The following INPP1 variants were observed in gnomAD, a reference collection of about 807,000 sequenced individuals.
INPP1 encodes inositol polyphosphate 1-phosphatase.
INPP1 carries 18 observed loss-of-function variants against 23.0 expected under a neutral mutation model. That is an observed-to-expected ratio of 0.78 (90% confidence interval 0.54 to 1.16). INPP1 has a LOEUF of 1.16. INPP1 is among the 50% of genes most tolerant of loss of function. INPP1 has a pLI of 0.00. For missense variants in INPP1, 448 were observed against 482.1 expected (o/e 0.93, Z 0.66); for synonymous variants, 164 against 176.3 (o/e 0.93, Z 0.55).
chr2:190,353,743 C>A (rs921038209), intron 2 of INPP1, among the ~76,000 whole-genome samples: 1 of 152,152 alleles, frequency 6.6e-6, no homozygotes, highest in African/African-American at 2.4e-5. Flanking sequence ...TGAACCCAGG[C>A]CTTTCTGATT....
Position 190,352,571 on chromosome 2 carries a change from C to T in INPP1, c.-65+3540C>T, listed in dbSNP as rs1210262697. ...ACCATTAGCAAGTGACACAACACAGCGAGCCCCCCCTCCATATTTAGTGTG... is the reference window on the plus strand; with the variant it reads ...ACCATTAGCAAGTGACACAACACAGTGAGCCCCCCCTCCATATTTAGTGTG... On this transcript the variant is annotated intron_variant, in intron 2 of 6. Transcript: ENST00000392329. The surrounding 1 kb of genome is among the most constrained non-coding windows in gnomAD (Gnocchi z 4.7). Among the ~76,000 whole-genome samples the T allele has an allele frequency of 6.6e-6, 1 of 152,196 alleles. No individual in the cohort carries two copies. Among genetic ancestry groups the T allele is most frequent in the Non-Finnish European group, 1.5e-5 (1 of 68,034 alleles).
In INPP1 at chr2:190,345,926, A is replaced by C. The variant is rs1464374117; in HGVS notation, c.-209+1965A>C. On this transcript the variant is annotated intron_variant, in intron 1 of 6. Coordinates refer to ENST00000392329, the MANE Select transcript of INPP1 (RefSeq NM_001128928.2). The surrounding 1 kb of genome is among the most constrained non-coding windows in gnomAD (Gnocchi z 4.9). Reference sequence around the variant, plus strand: ...GGAGGATCCCTGGAACCTAGGAATCAGAGGTTGCAGTGAGCCCAGATCGCG... The same window carrying C: ...GGAGGATCCCTGGAACCTAGGAATCCGAGGTTGCAGTGAGCCCAGATCGCG... Among the ~76,000 whole-genome samples, 1 of 152,258 alleles carries C rather than the reference A, an allele frequency of 6.6e-6. No homozygotes were observed. Among genetic ancestry groups the C allele is most frequent in the African/African-American group, 2.4e-5 (1 of 41,468 alleles).
chr2:190,353,259 A>T (rs1320171853), intron 2 of INPP1, among the ~76,000 whole-genome samples: 2 of 152,176 alleles, frequency 1.3e-5, no homozygotes, highest in Admixed American at 1.3e-4. Context: ...GGCTCTCCCA[A>T]GCCAGTCATA....
intron 6 of INPP1, among the ~76,000 whole-genome samples, chr2:190,370,226 G>T (rs1014576724): frequency 6.6e-6 from 1 of 151,274 alleles, no homozygotes; most frequent in Non-Finnish European, 1.5e-5. Flanking sequence ...CTTTCTAGCT[G>T]AGTGGGCCTC....
In INPP1 at chr2:190,354,832, G is replaced by T. The variant is rs539146136; in HGVS notation, c.-64-5207G>T. ...CCCAGAAGGGTCCTTAACAGAGGCT[G>T]AAGATCAGCTGGAGAAAAGGTTTTT... On this transcript the variant is annotated intron_variant, in intron 2 of 6. Coordinates refer to ENST00000392329, the MANE Select transcript of INPP1 (RefSeq NM_001128928.2). This position sits in a 1 kb window ranked among gnomAD's most constrained non-coding sequence, Gnocchi z 4.8. Among the ~76,000 whole-genome samples, 6 of 152,116 alleles carry T rather than the reference G, an allele frequency of 3.9e-5. No individual in the cohort carries two copies. Among genetic ancestry groups the T allele is most frequent in the Non-Finnish European group, 7.3e-5 (5 of 68,042 alleles).
intron 4 of INPP1, among the ~76,000 whole-genome samples, chr2:190,366,453 G>A (rs1362667675): frequency 7.2e-6 from 1 of 139,138 alleles, no homozygotes; most frequent in African/African-American, 2.8e-5. Flanking sequence ...CACTCTCTCT[G>A]TCTTGCTCTC....
chr2:190,370,444 C>T (rs905713817), intron 6 of INPP1, among the ~76,000 whole-genome samples: 1 of 152,190 alleles, frequency 6.6e-6, no homozygotes, highest in African/African-American at 2.4e-5. Context: ...TAAAGAAAAA[C>T]TTGTTATAGG....
chr2:190,366,663 A>G, intron 4 of INPP1, 32 bp from the exon 5 acceptor site: 1 of 1,476,194 alleles, frequency 6.8e-7, no homozygotes, highest in Non-Finnish European at 9.5e-7. Context: ...AACTCTTGAA[A>G]TGTAATGGCT....
At position 190,368,176 on chromosome 2, in the gene INPP1, T is replaced by C. The variant is rs1366027087; in HGVS notation, c.467-927T>C. On this transcript the variant is annotated intron_variant, in intron 5 of 6. Coordinates refer to ENST00000392329, the MANE Select transcript of INPP1 (RefSeq NM_001128928.2). This position sits in a 1 kb window ranked among gnomAD's most constrained non-coding sequence, Gnocchi z 4.3. ...TAGTTTCTGAGGGACAGAGATCTCC[T>C]GTTTCTTGGTTCCACCCTGAATTGA... Among the ~76,000 whole-genome samples the C allele has an allele frequency of 3.9e-5, 6 of 152,246 alleles. No individual in the cohort carries two copies. Among genetic ancestry groups the C allele is most frequent in the African/African-American group, 1.4e-4 (6 of 41,468 alleles).
Position 190,367,188 on chromosome 2 carries a change from A to G in INPP1, c.466+293A>G, listed in dbSNP as rs1047107828. Among the ~76,000 whole-genome samples, 1 of 152,160 alleles carries G rather than the reference A, an allele frequency of 6.6e-6. No individual in the cohort carries two copies. The highest frequency in any genetic ancestry group is 2.4e-5 in the African/African-American group (1 of 41,426). On this transcript the variant is annotated intron_variant, in intron 5 of 6. Transcript: ENST00000392329. The surrounding 1 kb of genome is among the most constrained non-coding windows in gnomAD (Gnocchi z 4.1). ...AAAGATGAATTAACTTCTCTTCAAA[A>G]GACTTCAGGGACCAGACTGGTAAGT... is the stretch of plus-strand genomic sequence containing the variant.
chr2:190,351,834 A>T (rs138423855), intron 2 of INPP1, among the ~76,000 whole-genome samples: 1 of 152,364 alleles, frequency 6.6e-6, no homozygotes, highest in African/African-American at 2.4e-5. Context: ...AAGGGAAATT[A>T]AATTGCTGGA....
At position 190,368,227 on chromosome 2, in the gene INPP1, T is replaced by C. The variant is rs1689723415; in HGVS notation, c.467-876T>C. 6.6e-6 allele frequency among the ~76,000 whole-genome samples: 1 copy of C among 152,192 alleles called. No individual in the cohort carries two copies. The highest frequency in any genetic ancestry group is 2.1e-4 in the South Asian group (1 of 4,828). On this transcript the variant is annotated intron_variant, in intron 5 of 6. Coordinates refer to ENST00000392329, the MANE Select transcript of INPP1 (RefSeq NM_001128928.2). This position sits in a 1 kb window ranked among gnomAD's most constrained non-coding sequence, Gnocchi z 4.3. ...TTCTGTTTTTGAGCTCTTTGAGTCT[T>C]TTGCCAGGCACATCCTTAGCCGTGT...
Position 190,368,523 on chromosome 2 carries a change from G to A in INPP1, c.467-580G>A, listed in dbSNP as rs1689729946. ...CATAATAGGTGTATATATTTATGGGGTAGATGAGATGTTTTGACACAGGCA... is the reference window on the plus strand; with the variant it reads ...CATAATAGGTGTATATATTTATGGGATAGATGAGATGTTTTGACACAGGCA... On this transcript the variant is annotated intron_variant, in intron 5 of 6. Coordinates refer to ENST00000392329, the MANE Select transcript of INPP1 (RefSeq NM_001128928.2). The surrounding 1 kb of genome is among the most constrained non-coding windows in gnomAD (Gnocchi z 4.3). 1 of 152,082 alleles carries A rather than the reference G, an allele frequency of 6.6e-6. No homozygotes were observed. Among genetic ancestry groups the A allele is most frequent in the Non-Finnish European group, 1.5e-5 (1 of 68,038 alleles). The allele number at this position is 152,082 out of a possible 1,614,324, so 9.4% of individuals were successfully genotyped here.
rs1244350954 is a variant in INPP1 at position 190,345,932 on chromosome 2, T to G, written c.-209+1971T>G. 6.6e-6 allele frequency among the ~76,000 whole-genome samples: 1 copy of G among 152,202 alleles called. No individual in the cohort carries two copies. The highest frequency in any genetic ancestry group is 1.5e-5 in the Non-Finnish European group (1 of 68,044). ...TCCCTGGAACCTAGGAATCAGAGGT[T>G]GCAGTGAGCCCAGATCGCGCCACTG... On this transcript the variant is annotated intron_variant, in intron 1 of 6. Coordinates refer to ENST00000392329, the MANE Select transcript of INPP1 (RefSeq NM_001128928.2). This position sits in a 1 kb window ranked among gnomAD's most constrained non-coding sequence, Gnocchi z 4.9.
In INPP1 at chr2:190,352,188, G is replaced by T. The variant is rs2124919394; in HGVS notation, c.-65+3157G>T. ...TTAGGTCGAGAAAGCAGGAAGAAGG[G>T]CGTGTCAACCAGAGGGAGCAGCATG... On this transcript the variant is annotated intron_variant, in intron 2 of 6. Coordinates refer to ENST00000392329, the MANE Select transcript of INPP1 (RefSeq NM_001128928.2). The surrounding 1 kb of genome is among the most constrained non-coding windows in gnomAD (Gnocchi z 4.7). Among the ~76,000 whole-genome samples the T allele has an allele frequency of 6.6e-6, 1 of 152,304 alleles. No homozygotes were observed. Among genetic ancestry groups the T allele is most frequent in the South Asian group, 2.1e-4 (1 of 4,828 alleles).
intron 2 of INPP1, chr2:190,359,677 C>T: frequency 7.6e-6 from 1 of 131,430 alleles, no homozygotes; most frequent in South Asian, 1.8e-4. Flanking sequence ...AATATTGCTG[C>T]TAAGCATATG....
Position 190,352,514 on chromosome 2 carries a change from C to T in INPP1, c.-65+3483C>T, listed in dbSNP as rs562910030. On this transcript the variant is annotated intron_variant, in intron 2 of 6. Transcript: ENST00000392329. The surrounding 1 kb of genome is among the most constrained non-coding windows in gnomAD (Gnocchi z 4.7). ...CTAGTAAGGCTTGTAGTACAGTTTC[C>T]CTCTGGCCTCACAGGAATCTCAGGG... 6.6e-6 allele frequency among the ~76,000 whole-genome samples: 1 copy of T among 152,314 alleles called. No individual in the cohort carries two copies. Among genetic ancestry groups the T allele is most frequent in the East Asian group, 1.9e-4 (1 of 5,184 alleles).
At position 190,356,037 on chromosome 2, in the gene INPP1, C is replaced by T. The variant is rs1166218997; in HGVS notation, c.-64-4002C>T. Among the ~76,000 whole-genome samples the T allele has an allele frequency of 1.3e-5, 2 of 152,218 alleles. No individual in the cohort carries two copies. Among genetic ancestry groups the T allele is most frequent in the Admixed American group, 1.3e-4 (2 of 15,286 alleles). Reference sequence around the variant, plus strand: ...TAAATTCTGCATTAGATGTAGCCTTCAGTTTCTCCATAGACAAATTATTTC... The same window carrying T: ...TAAATTCTGCATTAGATGTAGCCTTTAGTTTCTCCATAGACAAATTATTTC... On this transcript the variant is annotated intron_variant, in intron 2 of 6. Coordinates refer to ENST00000392329, the MANE Select transcript of INPP1 (RefSeq NM_001128928.2). The surrounding 1 kb of genome is among the most constrained non-coding windows in gnomAD (Gnocchi z 6.4).
At position 190,367,689 on chromosome 2, in the gene INPP1, C is replaced by T. The variant is rs1689708078; in HGVS notation, c.466+794C>T. ...ATCTCAGCTTCCCAAGTAGCTGGGA[C>T]CCAAGTAGGTGGCAGAGTTGCATGC... On this transcript the variant is annotated intron_variant, in intron 5 of 6. Transcript: ENST00000392329. This position sits in a 1 kb window ranked among gnomAD's most constrained non-coding sequence, Gnocchi z 4.1. Among the ~76,000 whole-genome samples the T allele has an allele frequency of 6.6e-6, 1 of 152,102 alleles. No individual in the cohort carries two copies. Among genetic ancestry groups the T allele is most frequent in the African/African-American group, 2.4e-5 (1 of 41,400 alleles).
Sources: gnomAD v4.1 joint callset for allele counts (sites outside exome capture counted in the v4.1 genomes callset) on GRCh38, gnomAD v4.1.1 for gene constraint, Gnocchi (gnomAD v3.1) non-coding constraint, MANE v1.5 for transcripts, NCBI Gene and HGNC (gene_info 2026-07-23, HGNC 2026-07-21) for gene names.